Variants in CADM2 observed in about 807,000 individuals in gnomAD.
CADM2 encodes immunoglobulin superfamily member 4D.
In CADM2, 12 loss-of-function variants were observed where a neutral mutation model predicts 49.8. That is an observed-to-expected ratio of 0.24 (90% CI 0.15 to 0.39). The LOEUF (loss-of-function observed/expected upper bound fraction) is 0.39. Among genes scored for constraint, CADM2 ranks in the 10% least tolerant of loss-of-function variants. The probability of loss-of-function intolerance (pLI) is 1.00; values close to 1 mark genes in which losing one functional copy is unlikely to be tolerated. For missense variants in CADM2, 378 were observed against 492.3 expected, an observed-to-expected ratio of 0.77 and a Z score of 2.20; for synonymous variants, 214 against 175.4, an observed-to-expected ratio of 1.22 and a Z score of -1.74.
chr3:85,258,751 C>G (rs2042946472), intron 1 of CADM2, among the ~76,000 whole-genome samples: 1 of 151,996 alleles, frequency 6.6e-6, no homozygotes, highest in African/African-American at 2.4e-5. Flanking sequence ...TTGTATTCTG[C>G]CACTTTGTTT....
At chr3:85,677,688 T>C (rs1164972910) in intron 1 of CADM2, among the ~76,000 whole-genome samples, 4 of 152,162 alleles carry the variant, frequency 2.6e-5, no homozygotes, top group Non-Finnish European at 5.9e-5. Context: ...TAATGAGGTA[T>C]TCTGAATGAA....
At chr3:86,019,944 A>G (rs529076941) in intron 8 of CADM2, among the ~76,000 whole-genome samples, 29 of 152,322 alleles carry the variant, frequency 1.9e-4, no homozygotes, top group African/African-American at 6.7e-4. Context: ...GAAAAGCAAG[A>G]GCAAACACAT....
intron 1 of CADM2, among the ~76,000 whole-genome samples, chr3:85,287,105 T>A (rs1345753103): frequency 2.0e-5 from 3 of 152,110 alleles, no homozygotes; most frequent in African/African-American, 7.2e-5. Context: ...TCAAATATAA[T>A]GCAATCCTAC....
chr3:85,663,403 C>T (rs1194709376), intron 1 of CADM2, among the ~76,000 whole-genome samples: 1 of 151,950 alleles, frequency 6.6e-6, no homozygotes, highest in Non-Finnish European at 1.5e-5. Context: ...TCTCTCTTTT[C>T]TCTTCACCTT....
intron 1 of CADM2, among the ~76,000 whole-genome samples, chr3:85,042,726 C>T (rs2035491082): frequency 6.6e-6 from 1 of 152,122 alleles, no homozygotes; most frequent in Admixed American, 6.6e-5. Flanking sequence ...TGGATATTAG[C>T]AGTCTCAGGT....
intron 1 of CADM2, among the ~76,000 whole-genome samples, chr3:85,278,718 TTGTG>T (rs36208431): frequency 0.17 from 24,184 of 144,334 alleles, 2,096 homozygotes; most frequent in Middle Eastern, 0.19. Context: ...GCTGATGTTC[TTGTG>T]TGTGTGTGTG....
At position 85,393,969 on chromosome 3, in the gene CADM2, G is replaced by C. The variant is rs911970803; in HGVS notation, c.62-332553G>C. Among the ~76,000 whole-genome samples, 4 of 152,004 alleles carry C rather than the reference G, an allele frequency of 2.6e-5. No homozygotes were observed. The South Asian group carries it at 6.3e-4, about 24-fold the overall frequency. ...CTACAGGCGCCCGTCACCACGCCTC[G>C]CTAATTTTTTGTATTTTTAGTAGAG... On this transcript the variant is annotated intron_variant, in intron 1 of 9. Coordinates refer to ENST00000383699, the MANE Select transcript of CADM2 (RefSeq NM_001167675.2).
intron 8 of CADM2, among the ~76,000 whole-genome samples, chr3:86,006,543 G>A (rs778060828): frequency 6.6e-6 from 1 of 152,114 alleles, no homozygotes; most frequent in Non-Finnish European, 1.5e-5. Context: ...AACCTCTAAG[G>A]CAGGCTTGTC....
intron 3 of CADM2, among the ~76,000 whole-genome samples, chr3:85,810,516 A>T (rs2072789239): frequency 6.9e-6 from 1 of 145,770 alleles, no homozygotes; most frequent in Non-Finnish European, 1.5e-5. Context: ...GTTAAAGTAT[A>T]TGCTCATAGA....
rs1287806775 is a variant in CADM2, at chr3:85,163,948, C to G, written c.61+204280C>G. On this transcript the variant is annotated intron_variant, in intron 1 of 9. Coordinates refer to ENST00000383699, the MANE Select transcript of CADM2 (RefSeq NM_001167675.2). ...TCATACACCCTGTACTCTCCCACTA[C>G]TCATTCCCCCCAGGCAATTATTTGT... Among the ~76,000 whole-genome samples the G allele has an allele frequency of 3.9e-5, 6 of 152,168 alleles. No homozygotes were observed. In the East Asian group the frequency reaches 1.2e-3, roughly 29 times the overall value.
intron 8 of CADM2, among the ~76,000 whole-genome samples, chr3:86,059,994 A>G (rs1423253555): frequency 6.6e-6 from 1 of 152,162 alleles, no homozygotes; most frequent in Non-Finnish European, 1.5e-5. Context: ...AAATCCTATG[A>G]AAATATGTTG....
At chr3:86,006,521 A>T (rs961202421) in intron 8 of CADM2, among the ~76,000 whole-genome samples, 1 of 152,186 alleles carries the variant, frequency 6.6e-6, no homozygotes, top group African/African-American at 2.4e-5. Context: ...TGAAAAGAAG[A>T]TGAGACTTTG....
intron 3 of CADM2, among the ~76,000 whole-genome samples, chr3:85,867,028 G>T (rs1470788685): frequency 2.0e-5 from 3 of 151,754 alleles, no homozygotes; most frequent in African/African-American, 7.3e-5. Context: ...TTTCTAAGAG[G>T]GATAATATAT....
At chr3:85,823,884 A>G (rs1207172205) in intron 3 of CADM2, among the ~76,000 whole-genome samples, 2 of 152,152 alleles carry the variant, frequency 1.3e-5, no homozygotes, top group Non-Finnish European at 2.9e-5. Context: ...AAAAACTAAC[A>G]AATTGTTAAA....
rs1559897737 is a variant in CADM2, at chr3:85,541,775, T to TATATATATATATATATATATATA, written c.62-184747_62-184746insATATATATATATATATATATATA. 4.7e-3 allele frequency among the ~76,000 whole-genome samples: 416 copies of TATATATATATATATATATATATA among 88,204 alleles called. 9 individuals are homozygous for TATATATATATATATATATATATA. Among genetic ancestry groups the TATATATATATATATATATATATA allele is most frequent in the Middle Eastern group, 0.018 (3 of 164 alleles). 57.9% of individuals were successfully genotyped at this position (88,204 alleles called of 152,430 possible). ...ATATTTTATATATATATTTTATATTTTATATATATATATATATATGTATAG... is the reference window on the plus strand; with the variant it reads ...ATATTTTATATATATATTTTATATTTATATATATATATATATATATATATATATATATATATATATATGTATAG... On this transcript the variant is annotated intron_variant, in intron 1 of 9. Coordinates refer to ENST00000383699, the MANE Select transcript of CADM2 (RefSeq NM_001167675.2).
intron 1 of CADM2, among the ~76,000 whole-genome samples, chr3:84,967,679 A>C (rs1191826927): frequency 6.6e-6 from 1 of 152,050 alleles, no homozygotes; most frequent in Admixed American, 6.6e-5. Context: ...AGATCCATTA[A>C]AATAAATTAA....
intron 8 of CADM2, among the ~76,000 whole-genome samples, chr3:85,975,302 G>A (rs1378527856): frequency 6.6e-6 from 1 of 151,112 alleles, no homozygotes; most frequent in East Asian, 2.0e-4. Flanking sequence ...TAATTTCAGA[G>A]AAATTGTCAT....
intron 1 of CADM2, among the ~76,000 whole-genome samples, chr3:85,075,347 C>T (rs746984882): frequency 9.9e-5 from 15 of 151,566 alleles, no homozygotes; most frequent in Non-Finnish European, 1.9e-4. Context: ...TAGTTGAGGT[C>T]TGTATGACAT....
chr3:85,189,497 T>A (rs529184125), intron 1 of CADM2, among the ~76,000 whole-genome samples: 1 of 152,284 alleles, frequency 6.6e-6, no homozygotes, highest in Non-Finnish European at 1.5e-5. Context: ...ATAAAGAGAA[T>A]ATGTTGAATA....
Sources: allele counts gnomAD v4.1 joint callset (sites outside exome capture counted in the v4.1 genomes callset), GRCh38; gene constraint gnomAD v4.1.1; transcripts MANE v1.5; gene names NCBI Gene and HGNC (gene_info 2026-07-23, HGNC 2026-07-21).